CEMIP2: variants seen among roughly 807,000 people sequenced by gnomAD.
CEMIP2 encodes the protein cell surface hyaluronidase CEMIP2.
In CEMIP2, 79 loss-of-function variants were observed where a neutral mutation model predicts 146.9. The ratio of observed to expected loss-of-function variants is 0.54; its 90% confidence interval spans 0.45 to 0.65. The LOEUF is 0.65. Ranked by LOEUF, CEMIP2 falls within the 30% of genes least tolerant of loss-of-function variation. CEMIP2 has a pLI of 0.00. For synonymous variants in CEMIP2, 601 were observed against 606.3 expected, an observed-to-expected ratio of 0.99 and a Z score of 0.13; for missense variants, 1,596 against 1,696.2, an observed-to-expected ratio of 0.94 and a Z score of 1.04.
At chr9:71,752,108 G>A (rs1223507858) in intron 1 of CEMIP2, among the ~76,000 whole-genome samples, 3 of 151,964 alleles carry the variant, frequency 2.0e-5, no homozygotes, top group Non-Finnish European at 4.4e-5. Flanking sequence ...GGCCCAGGGA[G>A]GTTAATTAAC....
At chr9:71,753,340 G>T (rs1002169794) in intron 1 of CEMIP2, among the ~76,000 whole-genome samples, 1 of 152,130 alleles carries the variant, frequency 6.6e-6, no homozygotes, top group African/African-American at 2.4e-5. Context: ...AAAATAAAAG[G>T]CATGAGAGGC....
At chr9:71,711,589 T>G (rs1355446244) in intron 16 of CEMIP2, among the ~76,000 whole-genome samples, 1 of 146,638 alleles carries the variant, frequency 6.8e-6, no homozygotes, top group East Asian at 2.0e-4. Flanking sequence ...AGACCCTGCC[T>G]CAAAGAAAAA....
chr9:71,745,623 T>C, intron 3 of CEMIP2, 44 bp from the exon 4 acceptor site: 2 of 1,507,618 alleles, frequency 1.3e-6, no homozygotes, highest in Non-Finnish European at 1.8e-6. Flanking sequence ...AAATCATCTT[T>C]CTGAGATACA....
rs147621759 is a variant in CEMIP2, at chr9:71,702,534, G to A, written c.3195-1710C>T. 2.5e-4 allele frequency among the ~76,000 whole-genome samples: 38 copies of A among 152,108 alleles called. 1 individual carries two copies. The South Asian group carries it at 3.3e-3, about 13-fold the overall frequency. On this transcript the variant is annotated intron_variant, in intron 18 of 23. Transcript: ENST00000377044. ...GTACTATATATGTTTACAATGCCTC[G>A]CTTTGGTTAGGAGAACTGTAGATTA...
chr9:71,711,230 A>C (rs1462036282), intron 16 of CEMIP2, among the ~76,000 whole-genome samples: 1 of 152,080 alleles, frequency 6.6e-6, no homozygotes, highest in Non-Finnish European at 1.5e-5. Context: ...GTCTATCTGC[A>C]ATCTTCATAA....
chr9:71,730,812 C>T lies in CEMIP2; in HGVS notation c.1666G>A (p.Asp556Asn), dbSNP rs1468327281. The change falls in exon 8 of 24, where the codon GAC (aspartate) becomes AAC (asparagine). Residue 556 changes from aspartate to asparagine, a missense_variant. Asp to Asn is a conservative substitution (Grantham distance 23). Coordinates refer to ENST00000377044, the MANE Select transcript of CEMIP2 (RefSeq NM_013390.3). ...RYPVHFHLCG[D>N]VDYKGGYRHA... Reference sequence around the variant, plus strand: ...CTGTATCCTCCTTTATAATCCACGTCACCACACAGGTGAAAATGAACAGGG... The same window carrying T: ...CTGTATCCTCCTTTATAATCCACGTTACCACACAGGTGAAAATGAACAGGG... 2 of 1,614,220 alleles carry T rather than the reference C, an allele frequency of 1.2e-6. No homozygotes were observed. The highest frequency in any genetic ancestry group is 1.1e-5 in the South Asian group (1 of 91,084).
At chr9:71,766,036 T>C (rs1184433917) in intron 1 of CEMIP2, among the ~76,000 whole-genome samples, 1 of 152,082 alleles carries the variant, frequency 6.6e-6, no homozygotes, top group Non-Finnish European at 1.5e-5. Context: ...TCTAAGACCA[T>C]GAATTTGGTA....
At chr9:71,750,704 C>T (rs1032409284) in intron 1 of CEMIP2, among the ~76,000 whole-genome samples, 1 of 151,890 alleles carries the variant, frequency 6.6e-6, no homozygotes, top group African/African-American at 2.4e-5. Flanking sequence ...ACCTCAGCCT[C>T]CCAAAGTGCT....
chr9:71,729,300 C>A (rs751385209), intron 10 of CEMIP2, among the ~76,000 whole-genome samples: 20 of 152,010 alleles, frequency 1.3e-4, no homozygotes, highest in Non-Finnish European at 2.6e-4. Context: ...CCCCCTTTGG[C>A]ATCTCTCTTA....
At position 71,709,358 on chromosome 9, in the gene CEMIP2, A is replaced by G; in HGVS notation, c.2886T>C (p.Asp962=). ...AGTTGTCCATTCTTCCCACATAAGCATCCTTGTATCCTGTCACAGAGCCAT... is the reference window on the plus strand; with the variant it reads ...AGTTGTCCATTCTTCCCACATAAGCGTCCTTGTATCCTGTCACAGAGCCAT... The part of the protein sequence containing the change: ...DIDGSVTGYK[D]AYVGRMDNYL... The change falls in exon 17 of 24, where the codon GAT becomes GAC. Residue 962 remains aspartate (D), a synonymous_variant. Transcript: ENST00000377044. 6.2e-7 allele frequency: 1 copy of G among 1,614,144 alleles called. No homozygotes were observed. Among genetic ancestry groups the G allele is most frequent in the African/African-American group, 1.3e-5 (1 of 75,030 alleles).
Position 71,718,042 on chromosome 9 carries a change from G to A in CEMIP2, c.2305C>T (p.Arg769Cys), listed in dbSNP as rs765798037. Residue 769 changes from arginine (R) to cysteine (C), a missense_variant, in exon 13 of 24, where the codon CGT becomes TGT. Physicochemically the swap from Arg to Cys is radical, Grantham distance 180 (BLOSUM62 -3). Transcript: ENST00000377044. ...AGCCTGTCAATTAGAGCAGCAACAC[G>A]TGGTTTTTCGGGGTTTGCATCCTGA... ...PHQDANPEKP[R>C]VAALIDRLIA... 7.4e-6 allele frequency: 12 copies of A among 1,612,586 alleles called. No homozygotes were observed. The highest frequency in any genetic ancestry group is 3.3e-5 in the Admixed American group (2 of 59,924).
rs774606503 is a variant in CEMIP2, at chr9:71,694,475, A to G, written c.3696+34T>C. ...TTTATGGCATTTTGTTATACCACCT[A>G]GAACAGACTAAGACAACACCAGATG... On this transcript the variant is annotated intron_variant, in intron 21 of 23. Transcript: ENST00000377044. The G allele has an allele frequency of 5.9e-6, 9 of 1,538,126 alleles. No individual in the cohort carries two copies. The African/African-American group carries it at 1.2e-4, about 21-fold the overall frequency.
chr9:71,734,682 A>G (rs1823712788), intron 6 of CEMIP2, 124 bp downstream of exon 6: 1 of 832,542 alleles, frequency 1.2e-6, no homozygotes, highest in East Asian at 2.6e-5. Context: ...TATGACTTTC[A>G]ATACTGATGA....
intron 20 of CEMIP2, among the ~76,000 whole-genome samples, chr9:71,697,244 T>A (rs1822428939): frequency 6.6e-6 from 1 of 152,204 alleles, no homozygotes; most frequent in African/African-American, 2.4e-5. Context: ...TTAGCCCATA[T>A]TTGTTTGTGT....
intron 1 of CEMIP2, among the ~76,000 whole-genome samples, chr9:71,766,544 C>T (rs1402061927): frequency 6.6e-6 from 1 of 152,168 alleles, no homozygotes. Context: ...TTGATTAGGC[C>T]TATTAGAACA....
chr9:71,720,088 T>C (rs192120916), intron 12 of CEMIP2, among the ~76,000 whole-genome samples: 3 of 152,292 alleles, frequency 2.0e-5, no homozygotes, highest in South Asian at 4.1e-4. Flanking sequence ...ATTATCATCA[T>C]TGAGTTTTCA....
At chr9:71,688,073 T>C (rs1822120947) in intron 22 of CEMIP2, among the ~76,000 whole-genome samples, 1 of 152,126 alleles carries the variant, frequency 6.6e-6, no homozygotes, top group Non-Finnish European at 1.5e-5. Context: ...CCCAGGCTAG[T>C]CTTGAACTCC....
chr9:71,707,961 C>A (rs1010612311), intron 17 of CEMIP2, among the ~76,000 whole-genome samples: 3 of 151,982 alleles, frequency 2.0e-5, no homozygotes, highest in African/African-American at 7.2e-5. Context: ...CCGAGGTGGG[C>A]GGATCATGAG....
Position 71,700,670 on chromosome 9 carries a change from T to C in CEMIP2, c.3349A>G (p.Arg1117Gly). The C allele has an allele frequency of 6.2e-7, 1 of 1,606,048 alleles. No homozygotes were observed. Among genetic ancestry groups the C allele is most frequent in the Non-Finnish European group, 8.5e-7 (1 of 1,177,520 alleles). Reference sequence around the variant, plus strand: ...GTGCTGGAGTCAAAATAGAATTTCCTCTCGGATTGCTTTCTTTGCAGTTCT... The same window carrying C: ...GTGCTGGAGTCAAAATAGAATTTCCCCTCGGATTGCTTTCTTTGCAGTTCT... ...LEELQRKQSE[R>G]KFYFDSSTGL... Residue 1117 changes from arginine to glycine, a missense_variant, in exon 19 of 24, where the codon AGG (arginine) becomes GGG (glycine). Coordinates refer to ENST00000377044, the MANE Select transcript of CEMIP2 (RefSeq NM_013390.3).
Sources: gnomAD v4.1 joint callset for allele counts (sites outside exome capture counted in the v4.1 genomes callset) on GRCh38, gnomAD v4.1.1 for gene constraint, MANE v1.5 for transcripts, NCBI Gene and HGNC (gene_info 2026-07-23, HGNC 2026-07-21) for gene names.